ZRANB3: variants seen among roughly 807,000 people sequenced by gnomAD.
ZRANB3 encodes zinc finger RANBP2-type containing 3.
Under a neutral mutation model 133.8 loss-of-function variants are expected in ZRANB3, and 125 were observed. That is an observed-to-expected ratio of 0.93 (90% confidence interval 0.81 to 1.08). The LOEUF is 1.08. ZRANB3 is among the 50% of genes least tolerant of loss of function. The pLI, the probability that ZRANB3 is intolerant of heterozygous loss-of-function variation, is 0.00. For missense variants in ZRANB3, 1,229 were observed against 1,275.5 expected (o/e 0.96, Z 0.56); for synonymous variants, 387 against 432.7 (o/e 0.89, Z 1.31).
intron 2 of ZRANB3, among the ~76,000 whole-genome samples, chr2:135,436,864 A>ATAC (rs1452160169): frequency 3.3e-5 from 5 of 152,234 alleles, no homozygotes; most frequent in Admixed American, 3.3e-4. Flanking sequence ...ACTTCAAACT[A>ATAC]TACTACAAGG....
At chr2:135,277,695 C>T (rs1487345396) in intron 8 of ZRANB3, among the ~76,000 whole-genome samples, 2 of 151,996 alleles carry the variant, frequency 1.3e-5, no homozygotes, top group Admixed American at 6.6e-5. Context: ...GAAGCCAAGG[C>T]GGGCAGATCA....
At chr2:135,377,483 T>C (rs1039490934) in intron 3 of ZRANB3, among the ~76,000 whole-genome samples, 1 of 152,080 alleles carries the variant, frequency 6.6e-6, no homozygotes, top group African/African-American at 2.4e-5. Context: ...AAGCATCCTG[T>C]AGTACCAGAA....
intron 1 of ZRANB3, among the ~76,000 whole-genome samples, chr2:135,518,427 C>T (rs1358707301): frequency 6.6e-6 from 1 of 152,134 alleles, no homozygotes; most frequent in Non-Finnish European, 1.5e-5. Context: ...GGTTACGAAG[C>T]CCATGGGAAA....
At chr2:135,327,576 C>T (rs1478231910) in intron 6 of ZRANB3, among the ~76,000 whole-genome samples, 1 of 152,082 alleles carries the variant, frequency 6.6e-6, no homozygotes, top group East Asian at 1.9e-4. Context: ...AAACTGGACA[C>T]TGAATTACCA....
chr2:135,334,905 A>C (rs1684303191), intron 6 of ZRANB3, among the ~76,000 whole-genome samples: 1 of 152,108 alleles, frequency 6.6e-6, no homozygotes, highest in South Asian at 2.1e-4. Flanking sequence ...AAAAATAAAT[A>C]TATTTTAAAA....
At chr2:135,390,986 G>C (rs951825066) in intron 2 of ZRANB3, among the ~76,000 whole-genome samples, 166 bp from the exon 3 acceptor site, 2 of 151,734 alleles carry the variant, frequency 1.3e-5, no homozygotes, top group Non-Finnish European at 2.9e-5. Flanking sequence ...TCAGCCTCCT[G>C]AGTAGCTGGA....
chr2:135,489,424 AT>A (rs1692278800), intron 2 of ZRANB3, among the ~76,000 whole-genome samples: 1 of 151,800 alleles, frequency 6.6e-6, no homozygotes, highest in Non-Finnish European at 1.5e-5. Context: ...TAACCTGCAC[AT>A]TGTGCACATG....
At chr2:135,507,507 T>C (rs1693242504) in intron 1 of ZRANB3, among the ~76,000 whole-genome samples, 1 of 152,174 alleles carries the variant, frequency 6.6e-6, no homozygotes, top group South Asian at 2.1e-4. Flanking sequence ...CAGAAAACCA[T>C]GTCCACTTTC....
At chr2:135,525,243 T>G (rs1694102543) in intron 1 of ZRANB3, among the ~76,000 whole-genome samples, 1 of 152,002 alleles carries the variant, frequency 6.6e-6, no homozygotes, top group African/African-American at 2.4e-5. Flanking sequence ...AAAAAGATGC[T>G]CTACATCAAT....
At chr2:135,388,231 A>T (rs1378416113) in intron 3 of ZRANB3, among the ~76,000 whole-genome samples, 1 of 152,166 alleles carries the variant, frequency 6.6e-6, no homozygotes, top group African/African-American at 2.4e-5. Flanking sequence ...AGCATGGGAG[A>T]GACCCACCCC....
intron 3 of ZRANB3, among the ~76,000 whole-genome samples, chr2:135,374,443 A>T (rs1280092906): frequency 1.3e-5 from 2 of 152,120 alleles, no homozygotes; most frequent in African/African-American, 4.8e-5. Flanking sequence ...TCTGTGAAAG[A>T]CAATGTTAAG....
chr2:135,203,037 A>G, intron 19 of ZRANB3, 74 bp from the exon 20 acceptor site: 1 of 1,534,894 alleles, frequency 6.5e-7, no homozygotes, highest in East Asian at 2.4e-5. Flanking sequence ...GCATTGTGCA[A>G]TCATGTATGT....
intron 2 of ZRANB3, among the ~76,000 whole-genome samples, chr2:135,454,026 GA>G (rs1384388682): frequency 3.3e-5 from 5 of 152,180 alleles, no homozygotes; most frequent in African/African-American, 1.2e-4. Context: ...GACAGGAGGC[GA>G]AAGCCACTTC....
In ZRANB3 at chr2:135,350,160, C is replaced by T. The variant is rs564734782; in HGVS notation, c.415G>A (p.Ala139Thr). Residue 139 changes from alanine (A) to threonine (T), a missense_variant, in exon 5 of 21, where the codon GCA (alanine) becomes ACA (threonine). Physicochemically the swap from Ala to Thr is moderately conservative, Grantham distance 58. Transcript: ENST00000264159. ...VLGYGLLTAD[A>T]KTLIDALNNQ... ...TTCAGTGCATCTATCAAAGTCTTTG[C>T]ATCTGCGGTTAAGAGACCATAACCC... 6.7e-5 allele frequency: 108 copies of T among 1,611,486 alleles called. 1 individual carries two copies. In the East Asian group the frequency reaches 1.3e-3, roughly 19 times the overall value.
intron 8 of ZRANB3, among the ~76,000 whole-genome samples, chr2:135,300,639 C>T (rs1279634307): frequency 1.3e-5 from 2 of 152,240 alleles, no homozygotes; most frequent in East Asian, 1.9e-4. Flanking sequence ...CTAGATTTGA[C>T]CTTTTCCCTC....
chr2:135,524,534 G>C (rs766700369), intron 1 of ZRANB3, among the ~76,000 whole-genome samples: 1 of 152,124 alleles, frequency 6.6e-6, no homozygotes, highest in Non-Finnish European at 1.5e-5. Context: ...TGTCAAACTT[G>C]CATTTTGTTA....
At position 135,475,375 on chromosome 2, in the gene ZRANB3, G is replaced by A. The variant is rs976877083; in HGVS notation, c.161+28954C>T. Among the ~76,000 whole-genome samples the A allele has an allele frequency of 3.3e-5, 5 of 152,178 alleles. No individual in the cohort carries two copies. In the South Asian group the frequency reaches 1.0e-3, roughly 32 times the overall value. ...GTCATTTTGAAAGCCTCAGTTTGCAGAGATGATTCATCTATTCATAAATAT... is the reference window on the plus strand; with the variant it reads ...GTCATTTTGAAAGCCTCAGTTTGCAAAGATGATTCATCTATTCATAAATAT... On this transcript the variant is annotated intron_variant, in intron 2 of 20. Coordinates refer to ENST00000264159, the MANE Select transcript of ZRANB3 (RefSeq NM_032143.4).
rs143219326 is a variant in ZRANB3 at position 135,507,614 on chromosome 2, AT to A, written c.-7-3119del. Among the ~76,000 whole-genome samples the A allele has an allele frequency of 3.6e-3, 538 of 149,222 alleles. 3 individuals carry two copies. The highest frequency in any genetic ancestry group is 0.011 in the African/African-American group (450 of 40,044). On this transcript the variant is annotated intron_variant, in intron 1 of 20. Coordinates refer to ENST00000264159, the MANE Select transcript of ZRANB3 (RefSeq NM_032143.4). ...ACACTGGCAAGAAGTTAAGTAAAAA[AT>A]TTTAAAAAAAAATGTTGCTGTCTAT...
At chr2:135,248,365 C>A (rs568782302) in intron 12 of ZRANB3, among the ~76,000 whole-genome samples, 1 of 152,276 alleles carries the variant, frequency 6.6e-6, no homozygotes, top group South Asian at 2.1e-4. Context: ...CCATTCTGGA[C>A]AAACGAATGA....
Sources: gnomAD v4.1 joint callset for allele counts (sites outside exome capture counted in the v4.1 genomes callset) on GRCh38, gnomAD v4.1.1 for gene constraint, MANE v1.5 for transcripts, NCBI Gene and HGNC (gene_info 2026-07-23, HGNC 2026-07-21) for gene names.